THSD7B: variants seen among roughly 807,000 people sequenced by gnomAD.
THSD7B encodes thrombospondin type 1 domain containing 7B.
THSD7B carries 138 observed loss-of-function variants against 213.6 expected under a neutral mutation model. That is an observed-to-expected ratio of 0.65 (90% confidence interval 0.56 to 0.74). THSD7B has a LOEUF of 0.74. THSD7B is among the 30% of genes least tolerant of loss of function. The pLI, the probability that THSD7B is intolerant of heterozygous loss-of-function variation, is 0.00. For synonymous variants in THSD7B, 742 were observed against 687.0 expected (o/e 1.08, Z -1.25); for missense variants, 1,931 against 1,991.5 (o/e 0.97, Z 0.58).
chr2:136,975,691 A>T (rs1428947890), intron 2 of THSD7B, among the ~76,000 whole-genome samples: 3 of 152,162 alleles, frequency 2.0e-5, no homozygotes, highest in African/African-American at 4.8e-5. Flanking sequence ...TACTACATGA[A>T]TTTTAAAATA....
intron 12 of THSD7B, among the ~76,000 whole-genome samples, chr2:137,295,884 C>T (rs1412156896): frequency 6.6e-6 from 1 of 152,112 alleles, no homozygotes; most frequent in Non-Finnish European, 1.5e-5. Context: ...AACATTTTAT[C>T]TTCTGTCAGA....
At chr2:137,152,031 T>C (rs1679829645) in intron 5 of THSD7B, among the ~76,000 whole-genome samples, 2 of 150,828 alleles carry the variant, frequency 1.3e-5, no homozygotes. Context: ...TTTTTTGTCA[T>C]TCTTTGCCCT....
chr2:137,674,862 G>A (rs1419563476), intron 27 of THSD7B, among the ~76,000 whole-genome samples: 1 of 151,878 alleles, frequency 6.6e-6, no homozygotes. Context: ...TTCCTTTTAG[G>A]GTTTCTGCCA....
rs150011128 is a variant in THSD7B at position 137,268,434 on chromosome 2, G to A, written c.2267-4099G>A. On this transcript the variant is annotated intron_variant, in intron 10 of 27. Coordinates refer to ENST00000409968, the MANE Select transcript of THSD7B (RefSeq NM_001316349.2). ...TTTTCTGTCCTTGTGATAGTTTGCC[G>A]AGAATGATGGTTTCCAGCTTAATCC... Among the ~76,000 whole-genome samples the A allele has an allele frequency of 5.3e-3, 813 of 151,976 alleles. 3 individuals carry two copies. The highest frequency in any genetic ancestry group is 0.019 in the African/African-American group (770 of 41,468).
At chr2:137,498,706 G>A (rs1480724724) in intron 15 of THSD7B, among the ~76,000 whole-genome samples, 5 of 152,090 alleles carry the variant, frequency 3.3e-5, no homozygotes, top group South Asian at 2.1e-4. Flanking sequence ...AAACAAAAGA[G>A]AAAGGGAGAA....
intron 1 of THSD7B, among the ~76,000 whole-genome samples, chr2:136,807,508 C>CTTTTTTTTTTTTTTTTTTTTTTTTTTTT (rs1314267493): frequency 6.1e-5 from 3 of 49,580 alleles, no homozygotes; most frequent in Admixed American, 1.9e-4. Context: ...CAAAATGTTT[C>CTTTTTTTTTTTTTTTTTTTTTTTTTTTT]GTTTTTTTTT....
chr2:136,924,873 C>A (rs573853427), intron 2 of THSD7B, among the ~76,000 whole-genome samples: 2 of 152,092 alleles, frequency 1.3e-5, no homozygotes, highest in Admixed American at 6.5e-5. Context: ...TTTTGGTGTA[C>A]AAGTCTTTTA....
At chr2:137,192,322 A>G (rs1680673933) in intron 7 of THSD7B, among the ~76,000 whole-genome samples, 1 of 152,216 alleles carries the variant, frequency 6.6e-6, no homozygotes, top group Non-Finnish European at 1.5e-5. Flanking sequence ...TAGGCAGTGA[A>G]CAAGGTGCAC....
intron 17 of THSD7B, among the ~76,000 whole-genome samples, chr2:137,593,827 C>A (rs2104816045): frequency 6.6e-6 from 1 of 151,880 alleles, no homozygotes; most frequent in South Asian, 2.1e-4. Context: ...CTATTTTGTC[C>A]TAAGAAATCT....
chr2:137,362,993 A>C (rs1027113896), intron 12 of THSD7B, among the ~76,000 whole-genome samples: 1 of 152,150 alleles, frequency 6.6e-6, no homozygotes, highest in African/African-American at 2.4e-5. Flanking sequence ...GGAGTAAAGC[A>C]CTCCTCAGCA....
At position 137,411,762 on chromosome 2, in the gene THSD7B, T is replaced by C. The variant is rs1367631364; in HGVS notation, c.2849T>C (p.Leu950Pro). The change falls in exon 14 of 28, where the codon CTG becomes CCG. Residue 950 changes from leucine to proline, a missense_variant. Coordinates refer to ENST00000409968, the MANE Select transcript of THSD7B (RefSeq NM_001316349.2). ...GGCAGAAGGGAGCCTCACCGAGGAC[T>C]GCGGGTACAAGCAGACAGCAAAGAA... ...PEGRREPHRG[L>P]RVQADSKECG... 1 of 1,613,866 alleles carries C rather than the reference T, an allele frequency of 6.2e-7. No individual in the cohort carries two copies.
chr2:137,325,575 T>A (rs1684351338), intron 12 of THSD7B, among the ~76,000 whole-genome samples: 1 of 151,924 alleles, frequency 6.6e-6, no homozygotes, highest in Non-Finnish European at 1.5e-5. Flanking sequence ...ATGAGATAAC[T>A]CACAGACACA....
At chr2:136,844,490 G>GAGAGAC (rs1553452620) in intron 1 of THSD7B, among the ~76,000 whole-genome samples, 17 of 149,596 alleles carry the variant, frequency 1.1e-4, no homozygotes, top group African/African-American at 4.0e-4. Context: ...GAGAGAGAGA[G>GAGAGAC]AGAGACAGAG....
At chr2:137,085,859 CTG>C (rs1687830222) in intron 3 of THSD7B, among the ~76,000 whole-genome samples, 1 of 152,124 alleles carries the variant, frequency 6.6e-6, no homozygotes, top group South Asian at 2.1e-4. Context: ...AATTTAAAAA[CTG>C]TATTACAAAC....
intron 7 of THSD7B, among the ~76,000 whole-genome samples, chr2:137,203,455 T>C (rs540861142): frequency 6.6e-6 from 1 of 152,256 alleles, no homozygotes; most frequent in Non-Finnish European, 1.5e-5. Flanking sequence ...ATAAATACTT[T>C]CTAATTTTAC....
At chr2:137,200,839 T>C (rs78598179) in intron 7 of THSD7B, among the ~76,000 whole-genome samples, 2,472 of 147,808 alleles carry the variant, frequency 0.017, 63 homozygotes, top group East Asian at 0.079. Context: ...CTGGCTAATT[T>C]AGATATATAT....
chr2:136,937,470 T>A (rs936624126), intron 2 of THSD7B, among the ~76,000 whole-genome samples: 3 of 152,128 alleles, frequency 2.0e-5, no homozygotes, highest in African/African-American at 7.2e-5. Flanking sequence ...GCAGGCGTAC[T>A]TTATGCTGCC....
intron 1 of THSD7B, among the ~76,000 whole-genome samples, chr2:136,770,367 T>C (rs1681482841): frequency 6.6e-6 from 1 of 152,176 alleles, no homozygotes; most frequent in Admixed American, 6.5e-5. Flanking sequence ...TGTGCTTACG[T>C]TAGACTTATT....
chr2:136,910,413 A>G (rs1206387109), intron 2 of THSD7B, among the ~76,000 whole-genome samples: 1 of 152,206 alleles, frequency 6.6e-6, no homozygotes, highest in Non-Finnish European at 1.5e-5. Flanking sequence ...TGTGAGATTT[A>G]ATGATACCAA....
Sources: allele counts gnomAD v4.1 joint callset (sites outside exome capture counted in the v4.1 genomes callset), GRCh38; gene constraint gnomAD v4.1.1; transcripts MANE v1.5; gene names NCBI Gene and HGNC (gene_info 2026-07-23, HGNC 2026-07-21).